Variants in ORC2 observed in about 807,000 individuals in gnomAD.
ORC2 encodes the protein origin recognition complex subunit 2, also known as origin recognition complex protein 2 homolog.
ORC2 carries 37 observed loss-of-function variants against 77.7 expected under a neutral mutation model. The ratio of observed to expected loss-of-function variants is 0.48; its 90% CI spans 0.37 to 0.63. The LOEUF (loss-of-function observed/expected upper bound fraction) is 0.63, where lower values mean the gene tolerates loss of function less well. ORC2 is among the 20% of genes least tolerant of loss of function. The probability of loss-of-function intolerance (pLI) is 0.00; values close to 1 mark genes in which losing one functional copy is unlikely to be tolerated. For synonymous variants in ORC2, 201 were observed against 229.5 expected, an observed-to-expected ratio of 0.88 and a Z score of 1.12; for missense variants, 557 against 661.9, an observed-to-expected ratio of 0.84 and a Z score of 1.74.
intron 11 of ORC2, among the ~76,000 whole-genome samples, chr2:200,927,598 G>A (rs967047466): frequency 2.0e-5 from 3 of 150,632 alleles, no homozygotes; most frequent in Non-Finnish European, 4.5e-5. Flanking sequence ...GCTGAGGCAG[G>A]AGAATGGCGT....
intron 1 of ORC2, among the ~76,000 whole-genome samples, chr2:200,961,883 T>C (rs2041581190): frequency 6.6e-6 from 1 of 152,196 alleles, no homozygotes; most frequent in African/African-American, 2.4e-5. Context: ...GTAATTCTTA[T>C]TGGCAAAAGT....
At chr2:200,933,816 G>T (rs975231603) in intron 10 of ORC2, 60 bp downstream of exon 10, 11 of 822,042 alleles carry the variant, frequency 1.3e-5, no homozygotes, top group Non-Finnish European at 2.0e-5. Context: ...TGTTGCTTAC[G>T]TAGCATATTT....
chr2:200,939,039 AG>A (rs1256625849), intron 7 of ORC2, among the ~76,000 whole-genome samples: 46 of 150,680 alleles, frequency 3.1e-4, no homozygotes, highest in Middle Eastern at 3.4e-3. Flanking sequence ...ACTCTTCCTC[AG>A]GGGGAAAAAA....
chr2:200,914,137 C>T (rs1460995581), intron 15 of ORC2, 145 bp from the exon 16 acceptor site: 2 of 558,698 alleles, frequency 3.6e-6, no homozygotes, highest in Non-Finnish European at 6.3e-6. Flanking sequence ...CATATCCTTG[C>T]CTACTTAAAC....
intron 9 of ORC2, among the ~76,000 whole-genome samples, 170 bp downstream of exon 9, chr2:200,935,529 A>C (rs1262675452): frequency 1.3e-5 from 2 of 152,268 alleles, no homozygotes; most frequent in Non-Finnish European, 2.9e-5. Flanking sequence ...GCCAGAAAAG[A>C]AAGCCCAGAA....
chr2:200,924,361 C>T (rs933696030), intron 13 of ORC2, among the ~76,000 whole-genome samples: 8 of 151,618 alleles, frequency 5.3e-5, no homozygotes, highest in South Asian at 2.1e-4. Context: ...AAAAAGTATA[C>T]GGTCCATTTC....
chr2:200,948,763 C>G (rs2041297164), intron 5 of ORC2, among the ~76,000 whole-genome samples: 1 of 151,864 alleles, frequency 6.6e-6, no homozygotes, highest in African/African-American at 2.4e-5. Flanking sequence ...GGGGTTTTAC[C>G]ATGTTAGCCA....
chr2:200,940,221 A>G (rs1174939793), intron 7 of ORC2, among the ~76,000 whole-genome samples: 4 of 152,174 alleles, frequency 2.6e-5, no homozygotes, highest in Non-Finnish European at 5.9e-5. Flanking sequence ...CCTCTTGACA[A>G]TTAAAGAGGG....
intron 6 of ORC2, among the ~76,000 whole-genome samples, chr2:200,942,377 TCC>T (rs2041170232): frequency 6.6e-6 from 1 of 152,142 alleles, no homozygotes; most frequent in Non-Finnish European, 1.5e-5. Context: ...ATATAGTATT[TCC>T]CAAAGCCAAA....
intron 5 of ORC2, 59 bp from the exon 6 acceptor site, chr2:200,942,836 A>G (rs1341269814): frequency 1.0e-6 from 1 of 1,001,516 alleles, no homozygotes; most frequent in Non-Finnish European, 1.5e-6. Context: ...AAAGAGGGAA[A>G]TAACCTTATT....
At chr2:200,947,170 G>A (rs979723995) in intron 5 of ORC2, among the ~76,000 whole-genome samples, 5 of 151,580 alleles carry the variant, frequency 3.3e-5, no homozygotes, top group African/African-American at 1.2e-4. Flanking sequence ...CCAAAGTGCT[G>A]GGATTACAGG....
chr2:200,953,096 G>A (rs1237659550), intron 4 of ORC2, among the ~76,000 whole-genome samples: 1 of 137,738 alleles, frequency 7.3e-6, no homozygotes, highest in Non-Finnish European at 1.5e-5. Flanking sequence ...CTAGGTGACA[G>A]AGTGAGACCC....
chr2:200,934,599 G>T (rs1466137018), intron 9 of ORC2, among the ~76,000 whole-genome samples: 5 of 151,552 alleles, frequency 3.3e-5, no homozygotes, highest in African/African-American at 1.2e-4. Flanking sequence ...AAAGTGTTGG[G>T]ATAACAGGCA....
chr2:200,922,605 A>G (rs1024697472), intron 13 of ORC2, among the ~76,000 whole-genome samples: 7 of 151,600 alleles, frequency 4.6e-5, no homozygotes, highest in African/African-American at 1.7e-4. Context: ...TCGGGGGTAG[A>G]TGGGTAAGAG....
intron 1 of ORC2, among the ~76,000 whole-genome samples, chr2:200,960,344 A>T (rs952088227): frequency 2.0e-5 from 3 of 152,156 alleles, no homozygotes; most frequent in African/African-American, 7.2e-5. Context: ...TGAAGGAAAA[A>T]TTTTAAAAAT....
At chr2:200,941,383 C>T in intron 6 of ORC2, 104 bp from the exon 7 acceptor site, 2 of 1,003,712 alleles carry the variant, frequency 2.0e-6, no homozygotes, top group Non-Finnish European at 3.0e-6. Flanking sequence ...TGGCTCACAT[C>T]TGTAATCCCA....
chr2:200,946,247 C>A (rs181557656), intron 5 of ORC2, among the ~76,000 whole-genome samples: 117 of 152,056 alleles, frequency 7.7e-4, no homozygotes, highest in Admixed American at 4.6e-3. Context: ...ACCTTTTCCT[C>A]TCAAAGTGTT....
chr2:200,914,418 G>A (rs907582721), intron 15 of ORC2, among the ~76,000 whole-genome samples: 2 of 152,032 alleles, frequency 1.3e-5, no homozygotes, highest in African/African-American at 4.8e-5. Context: ...CGCCCGCCTC[G>A]GCCTCCCAAA....
At chr2:200,939,434 C>T (rs1382470304) in intron 7 of ORC2, among the ~76,000 whole-genome samples, 6 of 152,142 alleles carry the variant, frequency 3.9e-5, no homozygotes, top group Non-Finnish European at 5.9e-5. Context: ...GCAAACTAAT[C>T]TCTCTTGACA....
Sources: gnomAD v4.1 joint callset for allele counts (sites outside exome capture counted in the v4.1 genomes callset) on GRCh38, gnomAD v4.1.1 for gene constraint, MANE v1.5 for transcripts, NCBI Gene and HGNC (gene_info 2026-07-23, HGNC 2026-07-21) for gene names.